SAG: variants seen among roughly 807,000 people sequenced by gnomAD.
SAG encodes the protein S-antigen visual arrestin.
Under a neutral mutation model 55.0 loss-of-function variants are expected in SAG, and 45 were observed. That is an observed-to-expected ratio of 0.82 (90% confidence interval 0.64 to 1.05). The LOEUF is 1.05. Among genes scored for constraint, SAG ranks in the 50% least tolerant of loss-of-function variants. The pLI is 0.00. For missense variants in SAG, 455 were observed against 512.1 expected, an observed-to-expected ratio of 0.89 and a Z score of 1.08; for synonymous variants, 189 against 197.4, an observed-to-expected ratio of 0.96 and a Z score of 0.36.
intron 11 of SAG, among the ~76,000 whole-genome samples, chr2:233,335,486 T>C (rs1700895584): frequency 6.6e-6 from 1 of 152,032 alleles, no homozygotes; most frequent in African/African-American, 2.4e-5. Context: ...ACACAGAGAG[T>C]GCTCCAGGAA....
chr2:233,316,270 AC>A, intron 3 of SAG, 135 bp downstream of exon 3: 1 of 490,194 alleles, frequency 2.0e-6, no homozygotes, highest in Non-Finnish European at 3.7e-6. Context: ...GTGAGGCGCC[AC>A]TGGCTGATTG....
At chr2:233,310,410 G>T (rs146586703) in intron 2 of SAG, among the ~76,000 whole-genome samples, 1 of 151,396 alleles carries the variant, frequency 6.6e-6, no homozygotes, top group African/African-American at 2.4e-5. Flanking sequence ...TATGTTTACA[G>T]AACATGTCAA....
rs750321024 is a variant in SAG at position 233,319,084 on chromosome 2, G to A, written c.181+289G>A. ...CTGTGGCCCCCATTCCTGTTTGCTCGCCCCTGTTTCATGTACTTCTGTGCT... is the reference window on the plus strand; with the variant it reads ...CTGTGGCCCCCATTCCTGTTTGCTCACCCCTGTTTCATGTACTTCTGTGCT... On this transcript the variant is annotated intron_variant, in intron 4 of 15. Transcript: ENST00000409110. This position sits in a 1 kb window ranked among gnomAD's most constrained non-coding sequence, Gnocchi z 4.4. The A allele has an allele frequency of 1.7e-4, 102 of 597,616 alleles. No individual in the cohort carries two copies. The highest frequency in any genetic ancestry group is 3.1e-4 in the Non-Finnish European group (95 of 310,810). 37.0% of individuals were successfully genotyped at this position (597,616 alleles called of 1,614,324 possible).
At chr2:233,329,085 CTG>C in intron 8 of SAG, 2 of 237,548 alleles carry the variant, frequency 8.4e-6, no homozygotes, top group Non-Finnish European at 1.6e-5. Context: ...CTGGCCAAGG[CTG>C]GCTCTGGTTC....
intron 9 of SAG, chr2:233,331,391 A>G (rs1397803281): frequency 9.1e-6 from 5 of 550,374 alleles, no homozygotes; most frequent in Non-Finnish European, 1.6e-5. Flanking sequence ...GGGGTCTCCC[A>G]GGAGCTGCAG....
In SAG at chr2:233,323,001, G is replaced by C; in HGVS notation, c.431G>C (p.Gly144Ala). 1 of 1,564,134 alleles carries C rather than the reference G, an allele frequency of 6.4e-7. No homozygotes were observed. The highest frequency in any genetic ancestry group is 8.7e-7 in the Non-Finnish European group (1 of 1,147,326). ...TTGCAGCCAGCTCCACAAGATTCAG[G>C]GAAGGTTAGTTCAAGAAGAAATGCC... ...VMLQPAPQDSGKSCGVDFEVK... is the reference protein window; with the variant it reads ...VMLQPAPQDSAKSCGVDFEVK... The change falls in exon 6 of 16, where the codon GGG (glycine) becomes GCG (alanine). Residue 144 changes from glycine (G) to alanine (A), a missense_variant. Physicochemically the swap from Gly to Ala is moderately conservative, Grantham distance 60 (BLOSUM62 0). Coordinates refer to ENST00000409110, the MANE Select transcript of SAG (RefSeq NM_000541.5).
In SAG at chr2:233,319,053, C is replaced by T. The variant is rs2304775; in HGVS notation, c.181+258C>T. 47,551 of 665,010 alleles carry T rather than the reference C, an allele frequency of 0.072. 2,587 individuals carry two copies. Among genetic ancestry groups the T allele is most frequent in the African/African-American group, 0.21 (11,948 of 56,120 alleles). The allele number at this position is 665,010 out of a possible 1,614,324, so 41.2% of individuals were successfully genotyped here. A position where few individuals can be genotyped will look rare whatever the true frequency, so the allele number is the denominator to read the frequency against. On this transcript the variant is annotated intron_variant, in intron 4 of 15. Transcript: ENST00000409110. This position sits in a 1 kb window ranked among gnomAD's most constrained non-coding sequence, Gnocchi z 4.4. ...CAGATAAGTAGATGGTAGACGGAGCCCAGGTCTGTGGCCCCCATTCCTGTT... is the reference window on the plus strand; with the variant it reads ...CAGATAAGTAGATGGTAGACGGAGCTCAGGTCTGTGGCCCCCATTCCTGTT...
chr2:233,318,980 T>G, intron 4 of SAG, 185 bp downstream of exon 4: 1 of 722,694 alleles, frequency 1.4e-6, no homozygotes, highest in South Asian at 1.5e-5. Flanking sequence ...ACATAGGTCC[T>G]GTTGACACCA....
intron 14 of SAG, 118 bp from the exon 15 acceptor site, chr2:233,346,285 A>C: frequency 8.9e-7 from 1 of 1,128,044 alleles, no homozygotes; most frequent in South Asian, 1.2e-5. Flanking sequence ...CTTATCTCTC[A>C]AATTGTAAAG....
chr2:233,331,257 A>G (rs1438967929), intron 9 of SAG, among the ~76,000 whole-genome samples: 1 of 152,100 alleles, frequency 6.6e-6, no homozygotes, highest in East Asian at 1.9e-4. Flanking sequence ...CCACCTTCCT[A>G]TCCACCACGT....
At chr2:233,337,618 C>T (rs880116) in intron 11 of SAG, among the ~76,000 whole-genome samples, 56,823 of 152,048 alleles carry the variant, frequency 0.37, 12,452 homozygotes, top group Non-Finnish European at 0.49. Context: ...CCTGGAAACA[C>T]GTGCTTGAGA....
intron 2 of SAG, among the ~76,000 whole-genome samples, chr2:233,309,611 C>A (rs1472690965): frequency 6.6e-6 from 1 of 151,934 alleles, no homozygotes; most frequent in Non-Finnish European, 1.5e-5. Context: ...TGCCACTGCA[C>A]TCTAGCCTGG....
intron 2 of SAG, among the ~76,000 whole-genome samples, chr2:233,310,013 C>G (rs575893045): frequency 6.6e-6 from 1 of 152,314 alleles, no homozygotes; most frequent in East Asian, 1.9e-4. Context: ...CTACCCCACC[C>G]GGGGGGTCTC....
chr2:233,340,769 GTT>G lies in SAG; in HGVS notation c.1046+293_1046+294del, dbSNP rs763532151. 3.4e-5 allele frequency among the ~76,000 whole-genome samples: 5 copies of G among 146,908 alleles called. No individual in the cohort carries two copies. The highest frequency in any genetic ancestry group is 7.5e-5 in the African/African-American group (3 of 40,168). The stretch of plus-strand genomic sequence containing the variant: ...AGCCAGCTTGTGTGTGTGTGTGTGT[GTT>G]TGTGTGCGGTAAAATACACATAACA... On this transcript the variant is annotated intron_variant, in intron 13 of 15. Coordinates refer to ENST00000409110, the MANE Select transcript of SAG (RefSeq NM_000541.5). This position sits in a 1 kb window ranked among gnomAD's most constrained non-coding sequence, Gnocchi z 4.2.
At chr2:233,322,844 C>T in intron 5 of SAG, 102 bp from the exon 6 acceptor site, 2 of 776,910 alleles carry the variant, frequency 2.6e-6, no homozygotes, top group African/African-American at 1.8e-5. Flanking sequence ...TTTCTTTTTT[C>T]TTGCTTATCA....
intron 11 of SAG, among the ~76,000 whole-genome samples, chr2:233,335,336 T>C (rs1700890922): frequency 6.6e-6 from 1 of 152,250 alleles, no homozygotes; most frequent in South Asian, 2.1e-4. Context: ...CCAGCTCTGC[T>C]GCTGACCCTG....
intron 12 of SAG, among the ~76,000 whole-genome samples, chr2:233,339,952 G>A (rs1187608021): frequency 4.6e-5 from 6 of 130,248 alleles, no homozygotes; most frequent in Non-Finnish European, 6.7e-5. Context: ...GTGAGCCACC[G>A]TGCCCAGCCA....
intron 11 of SAG, among the ~76,000 whole-genome samples, chr2:233,337,791 TG>T (rs1338051473): frequency 1.3e-5 from 2 of 152,238 alleles, no homozygotes; most frequent in African/African-American, 4.8e-5. Flanking sequence ...ACATGATTTT[TG>T]TTAGCATTTC....
intron 10 of SAG, 107 bp downstream of exon 10, chr2:233,331,819 A>G: frequency 1.2e-6 from 1 of 808,552 alleles, no homozygotes; most frequent in South Asian, 1.4e-5. Context: ...CTAGCTCGCC[A>G]GCCTTCCACT....
Sources: allele counts gnomAD v4.1 joint callset (sites outside exome capture counted in the v4.1 genomes callset), GRCh38; gene constraint gnomAD v4.1.1; non-coding constraint Gnocchi (gnomAD v3.1); transcripts MANE v1.5; gene names NCBI Gene and HGNC (gene_info 2026-07-23, HGNC 2026-07-21).